The following NOL4L variants were observed in gnomAD, a reference collection of about 807,000 sequenced individuals.
NOL4L encodes the protein nucleolar protein 4 like, also known as nucleolar protein 4-like.
Under a neutral mutation model 64.5 loss-of-function variants are expected in NOL4L, and 7 were observed. The ratio of observed to expected loss-of-function variants is 0.11; its 90% CI spans 0.06 to 0.20. The LOEUF is 0.20. Ranked by LOEUF, NOL4L falls within the 10% of genes least tolerant of loss-of-function variation. The pLI, the probability that NOL4L is intolerant of heterozygous loss-of-function variation, is 1.00. For synonymous variants in NOL4L, 413 were observed against 401.0 expected (o/e 1.03, Z -0.36); for missense variants, 680 against 967.1 (o/e 0.70, Z 3.94).
At chr20:32,476,342 G>A (rs956686641) in intron 4 of NOL4L, among the ~76,000 whole-genome samples, 1 of 152,214 alleles carries the variant, frequency 6.6e-6, no homozygotes, top group African/African-American at 2.4e-5. Flanking sequence ...CTGGCAGGTG[G>A]GGGAAGGTTC....
At chr20:32,575,403 C>A (rs866376349) in intron 1 of NOL4L, among the ~76,000 whole-genome samples, 3 of 152,226 alleles carry the variant, frequency 2.0e-5, no homozygotes, top group African/African-American at 4.8e-5. Context: ...AGTCCCACCC[C>A]CCGGAATGAG....
chr20:32,572,806 C>A (rs2145621582), intron 1 of NOL4L, among the ~76,000 whole-genome samples: 1 of 152,292 alleles, frequency 6.6e-6, no homozygotes, highest in Admixed American at 6.5e-5. Flanking sequence ...AGCCCAGTTT[C>A]CCTGCACAGG....
intron 5 of NOL4L, among the ~76,000 whole-genome samples, chr20:32,466,554 C>A (rs2014574260): frequency 6.6e-6 from 1 of 151,370 alleles, no homozygotes; most frequent in Non-Finnish European, 1.5e-5. Context: ...CCCCAGCTCT[C>A]TGCTCCTGGG....
intron 3 of NOL4L, among the ~76,000 whole-genome samples, chr20:32,511,782 G>C (rs1031997918): frequency 1.3e-5 from 2 of 152,136 alleles, no homozygotes; most frequent in Admixed American, 1.3e-4. Flanking sequence ...CCCCAGGAGG[G>C]GACACAGGCC....
Position 32,453,129 on chromosome 20 carries a change from GA to G in NOL4L, c.1498-124del. ...TTGGGCTCCAGCGCCTCAGTCTATG[GA>G]GCTGTGTGATCTTTCTGGGCCTTAG... is the stretch of plus-strand genomic sequence containing the variant. On this transcript the variant is annotated intron_variant, in intron 8 of 10. Coordinates refer to ENST00000621426, the MANE Select transcript of NOL4L (RefSeq NM_001256798.2). The surrounding 1 kb of genome is among the most constrained non-coding windows in gnomAD (Gnocchi z 5.6). 6.9e-7 allele frequency: 1 copy of G among 1,457,124 alleles called. No individual in the cohort carries two copies. The highest frequency in any genetic ancestry group is 9.3e-7 in the Non-Finnish European group (1 of 1,073,898). The allele number at this position is 1,457,124 out of a possible 1,614,324, so 90.3% of individuals were successfully genotyped here.
rs1050239461 is a variant in NOL4L, at chr20:32,520,919, C to T, written c.481G>A (p.Ala161Thr). The T allele has an allele frequency of 4.0e-5, 62 of 1,546,686 alleles. No homozygotes were observed. The highest frequency in any genetic ancestry group is 5.1e-5 in the Non-Finnish European group (58 of 1,144,086). Residue 161 changes from alanine to threonine, a missense_variant, in exon 3 of 11, where the codon GCA becomes ACA. By Grantham distance (58) the Ala-to-Thr change is moderately conservative (BLOSUM62 0). Around this residue, in one of 4 missense-constraint regions of NOL4L, gnomAD observed 181 missense variants for 335.2 expected, o/e 0.54. Coordinates refer to ENST00000621426, the MANE Select transcript of NOL4L (RefSeq NM_001256798.2). ...AGQKKTYRAI[A>T]ETYAFLPREA... ...CTCGGGAGGAAGGCATAGGTCTCTG[C>T]GATCTGGAGGAGAGAAGAGCTTCGC...
At position 32,464,384 on chromosome 20, in the gene NOL4L, C is replaced by A. The variant is rs2014363137; in HGVS notation, c.842-7989G>T. On this transcript the variant is annotated intron_variant, in intron 5 of 10. Coordinates refer to ENST00000621426, the MANE Select transcript of NOL4L (RefSeq NM_001256798.2). The surrounding 1 kb of genome is among the most constrained non-coding windows in gnomAD (Gnocchi z 5.6). ...GTGATGGGGCCACACGGGGCACCTG[C>A]ATTCTCCACGTGGCCCTCAGGCCCC... is the stretch of plus-strand genomic sequence containing the variant. Among the ~76,000 whole-genome samples, 1 of 152,340 alleles carries A rather than the reference C, an allele frequency of 6.6e-6. No individual in the cohort carries two copies. Among genetic ancestry groups the A allele is most frequent in the Middle Eastern group, 3.4e-3 (1 of 294 alleles).
chr20:32,496,967 C>T (rs1331938717), intron 4 of NOL4L, among the ~76,000 whole-genome samples: 1 of 149,656 alleles, frequency 6.7e-6, no homozygotes, highest in Admixed American at 6.7e-5. Context: ...CGGGGAGCTA[C>T]CCGCCTGCCG....
intron 5 of NOL4L, among the ~76,000 whole-genome samples, chr20:32,471,911 G>C (rs2015049614): frequency 6.6e-6 from 1 of 152,162 alleles, no homozygotes; most frequent in African/African-American, 2.4e-5. Context: ...CAGAAGCCAA[G>C]CAGATGCTAG....
In NOL4L at chr20:32,446,038, G is replaced by C. The variant is rs1375981838; in HGVS notation, c.*1558C>G. The C allele has an allele frequency of 6.6e-6, 1 of 152,208 alleles. No homozygotes were observed. The highest frequency in any genetic ancestry group is 1.5e-5 in the Non-Finnish European group (1 of 68,096). The allele number at this position is 152,208 out of a possible 1,614,324, so 9.4% of individuals were successfully genotyped here. On this transcript the variant is annotated 3_prime_UTR_variant, in exon 11 of 11. Transcript: ENST00000621426. ...GATCCACTCGGCCCTGGCTCCCCTG[G>C]GGCCTCTCTGCTCTGAGGGAGGAAA...
rs1568591714 is a variant in NOL4L, at chr20:32,452,223, T to TC, written c.1822+12dup. 2.0e-6 allele frequency: 3 copies of TC among 1,515,200 alleles called. No individual in the cohort carries two copies. Among genetic ancestry groups the TC allele is most frequent in the South Asian group, 2.6e-5 (2 of 75,974 alleles). 93.9% of individuals were successfully genotyped at this position (1,515,200 alleles called of 1,614,324 possible). ...TGGTCGGGAAGCCAGAGCCCAGGCC[T>TC]CCCCCGACTCACCATTACTGTGGTT... On this transcript the variant is annotated intron_variant, in intron 10 of 10. Transcript: ENST00000621426.
chr20:32,581,325 G>T (rs187324106), intron 1 of NOL4L, among the ~76,000 whole-genome samples: 154 of 149,726 alleles, frequency 1.0e-3, no homozygotes, highest in Non-Finnish European at 1.7e-3. Flanking sequence ...AATTCCCCTC[G>T]CCCTCTCTCT....
intron 4 of NOL4L, among the ~76,000 whole-genome samples, chr20:32,491,425 C>G (rs2016465271): frequency 6.6e-6 from 1 of 152,242 alleles, no homozygotes; most frequent in South Asian, 2.1e-4. Context: ...CCTCCACAGA[C>G]TGCCGCCCAG....
At chr20:32,576,507 GCT>G (rs1233044097) in intron 1 of NOL4L, among the ~76,000 whole-genome samples, 1 of 152,172 alleles carries the variant, frequency 6.6e-6, no homozygotes. Context: ...AATGACCTGG[GCT>G]TGGGAACCAG....
At chr20:32,560,170 C>A (rs1218349656) in intron 1 of NOL4L, among the ~76,000 whole-genome samples, 6 of 152,254 alleles carry the variant, frequency 3.9e-5, no homozygotes, top group African/African-American at 1.4e-4. Flanking sequence ...CTCTCCCAGC[C>A]CCGTCACACA....
Position 32,445,940 on chromosome 20 carries a change from A to G in NOL4L, c.*1656T>C, listed in dbSNP as rs1182925131. On this transcript the variant is annotated 3_prime_UTR_variant, in exon 11 of 11. Transcript: ENST00000621426. ...GCAGTGGCCACAGCTGCAACAGGCA[A>G]TTGGCTGCAGAAAAGCTGGTTTGGG... 1 of 152,252 alleles carries G rather than the reference A, an allele frequency of 6.6e-6. No homozygotes were observed. Among genetic ancestry groups the G allele is most frequent in the Non-Finnish European group, 1.5e-5 (1 of 68,064 alleles). The allele number at this position is 152,252 out of a possible 1,614,324, so 9.4% of individuals were successfully genotyped here.
intron 1 of NOL4L, among the ~76,000 whole-genome samples, chr20:32,584,167 A>ACC (rs1980730665): frequency 7.7e-6 from 1 of 130,416 alleles, no homozygotes; most frequent in Non-Finnish European, 1.6e-5. Flanking sequence ...ACACACACAC[A>ACC]CACCGCCCAG....
intron 1 of NOL4L, among the ~76,000 whole-genome samples, chr20:32,536,621 C>T (rs1212554184): frequency 4.0e-5 from 6 of 149,088 alleles, no homozygotes; most frequent in Non-Finnish European, 9.0e-5. Context: ...GGGCTCCTCG[C>T]GGGCAGGCAG....
In NOL4L at chr20:32,453,930, A is replaced by C; in HGVS notation, c.1120-169T>G. The C allele has an allele frequency of 3.2e-6, 2 of 633,430 alleles. No individual in the cohort carries two copies. Among genetic ancestry groups the C allele is most frequent in the Non-Finnish European group, 5.5e-6 (2 of 364,170 alleles). The allele number at this position is 633,430 out of a possible 1,614,324, so 39.2% of individuals were successfully genotyped here. On this transcript the variant is annotated intron_variant, in intron 6 of 10. Transcript: ENST00000621426. This position sits in a 1 kb window ranked among gnomAD's most constrained non-coding sequence, Gnocchi z 5.6. ...GTCACTCCCCTCTTCTGCTCCCTTC[A>C]TCTGTGCAATGGGGACAGCAATGCT...
Sources: allele counts gnomAD v4.1 joint callset (sites outside exome capture counted in the v4.1 genomes callset), GRCh38; gene constraint gnomAD v4.1.1; regional missense constraint gnomAD v4.1.1; non-coding constraint Gnocchi (gnomAD v3.1); transcripts MANE v1.5; gene names NCBI Gene and HGNC (gene_info 2026-07-23, HGNC 2026-07-21).